ADGRL3: variants seen among roughly 807,000 people sequenced by gnomAD.
ADGRL3 encodes the protein calcium-independent alpha-latrotoxin receptor 3.
ADGRL3 carries 62 observed loss-of-function variants against 153.5 expected under a neutral mutation model. The observed-to-expected ratio is 0.40, with a 90% CI of 0.33 to 0.50. The LOEUF (loss-of-function observed/expected upper bound fraction) is 0.50. Among genes scored for constraint, ADGRL3 ranks in the 20% least tolerant of loss-of-function variants. The pLI, the probability that ADGRL3 is intolerant of heterozygous loss-of-function variation, is 0.47. For missense variants in ADGRL3, 1,641 were observed against 1,859.4 expected (o/e 0.88, Z 2.16); for synonymous variants, 710 against 672.5 (o/e 1.06, Z -0.86).
intron 5 of ADGRL3, among the ~76,000 whole-genome samples, chr4:61,588,645 C>A (rs2098956719): frequency 1.3e-5 from 2 of 151,856 alleles, no homozygotes; most frequent in African/African-American, 4.8e-5. Context: ...TAAAATTAGG[C>A]ATTTCATTTG....
chr4:61,669,380 A>T (rs1345457255), intron 5 of ADGRL3, among the ~76,000 whole-genome samples: 4 of 152,204 alleles, frequency 2.6e-5, no homozygotes, highest in Non-Finnish European at 4.4e-5. Context: ...TGTCTTGAGG[A>T]GGAAAATAGA....
At chr4:61,301,200 A>G (rs2150347846) in intron 1 of ADGRL3, among the ~76,000 whole-genome samples, 1 of 152,318 alleles carries the variant, frequency 6.6e-6, no homozygotes, top group East Asian at 1.9e-4. Flanking sequence ...AGATACTAGT[A>G]ATTAATCTGT....
At chr4:61,249,582 G>T (rs573915738) in intron 1 of ADGRL3, among the ~76,000 whole-genome samples, 2 of 152,188 alleles carry the variant, frequency 1.3e-5, no homozygotes, top group African/African-American at 2.4e-5. Flanking sequence ...CAAAAGGAAT[G>T]CATTTTCCAG....
In ADGRL3 at chr4:61,961,672, G is replaced by T. The variant is rs955556106; in HGVS notation, c.2805+13396G>T. Among the ~76,000 whole-genome samples, 18 of 151,942 alleles carry T rather than the reference G, an allele frequency of 1.2e-4. 1 individual carries two copies. Among genetic ancestry groups the T allele is most frequent in the Admixed American group, 3.9e-4 (6 of 15,242 alleles). On this transcript the variant is annotated intron_variant, in intron 17 of 26. Coordinates refer to ENST00000683033, the MANE Select transcript of ADGRL3 (RefSeq NM_001387552.1). ...CTGTGAAGTGCAGGGAGGAAAAAAAGAAGAAAGAGAATCTACCTAGAGATA... is the reference window on the plus strand; with the variant it reads ...CTGTGAAGTGCAGGGAGGAAAAAAATAAGAAAGAGAATCTACCTAGAGATA...
intron 5 of ADGRL3, among the ~76,000 whole-genome samples, chr4:61,635,131 C>T (rs1226979399): frequency 6.6e-6 from 1 of 152,078 alleles, no homozygotes; most frequent in East Asian, 1.9e-4. Context: ...AGACAGTTTA[C>T]CTCAGGAGAA....
chr4:61,278,988 A>G (rs1349062872), intron 1 of ADGRL3, among the ~76,000 whole-genome samples: 1 of 152,216 alleles, frequency 6.6e-6, no homozygotes, highest in Non-Finnish European at 1.5e-5. Flanking sequence ...TCCTTTAGTA[A>G]TAAAATCCTT....
chr4:61,218,103 ATTAT>A (rs543881561), intron 1 of ADGRL3, among the ~76,000 whole-genome samples: 199 of 152,338 alleles, frequency 1.3e-3, no homozygotes, highest in African/African-American at 4.4e-3. Context: ...TTTGGAACAA[ATTAT>A]TTAATACTAA....
chr4:62,010,754 T>C (rs535630134), intron 21 of ADGRL3, among the ~76,000 whole-genome samples: 1 of 152,220 alleles, frequency 6.6e-6, no homozygotes, highest in Non-Finnish European at 1.5e-5. Context: ...CTTTATGAGG[T>C]AGAACTCACT....
At chr4:61,691,091 G>A (rs561897973) in intron 6 of ADGRL3, among the ~76,000 whole-genome samples, 1 of 152,214 alleles carries the variant, frequency 6.6e-6, no homozygotes, top group Non-Finnish European at 1.5e-5. Context: ...AGAAACATAT[G>A]TTATTCTGTG....
chr4:61,794,909 C>T (rs1038335702), intron 8 of ADGRL3, among the ~76,000 whole-genome samples: 14 of 130,716 alleles, frequency 1.1e-4, no homozygotes, highest in African/African-American at 3.7e-4. Context: ...TACTTATTGT[C>T]ATTGCTTTCA....
chr4:61,722,503 A>G (rs2096260017), intron 6 of ADGRL3, among the ~76,000 whole-genome samples: 1 of 152,168 alleles, frequency 6.6e-6, no homozygotes, highest in East Asian at 1.9e-4. Flanking sequence ...TGCCTCGGTC[A>G]ACTTGGGGCT....
intron 2 of ADGRL3, among the ~76,000 whole-genome samples, chr4:61,474,239 TG>T (rs546701492): frequency 7.9e-5 from 12 of 152,162 alleles, no homozygotes; most frequent in Non-Finnish European, 1.8e-4. Flanking sequence ...GGCATTTACA[TG>T]CAAGTGTCCT....
intron 24 of ADGRL3, among the ~76,000 whole-genome samples, chr4:62,041,699 T>G (rs1728379520): frequency 6.6e-6 from 1 of 152,138 alleles, no homozygotes; most frequent in African/African-American, 2.4e-5. Context: ...AAACCTTTGT[T>G]TAAAAATGGT....
chr4:61,208,009 A>T (rs1293739502), intron 1 of ADGRL3, among the ~76,000 whole-genome samples: 3 of 152,272 alleles, frequency 2.0e-5, no homozygotes, highest in Non-Finnish European at 2.9e-5. Flanking sequence ...CATTTTCATT[A>T]TTCTATTTCC....
intron 9 of ADGRL3, among the ~76,000 whole-genome samples, chr4:61,852,942 A>T (rs1296766675): frequency 6.6e-6 from 1 of 152,006 alleles, no homozygotes; most frequent in Admixed American, 6.6e-5. Context: ...TAGAAAGGAA[A>T]CTTTAGTGCT....
At chr4:61,553,085 C>T (rs2098747745) in intron 4 of ADGRL3, among the ~76,000 whole-genome samples, 1 of 152,142 alleles carries the variant, frequency 6.6e-6, no homozygotes, top group Non-Finnish European at 1.5e-5. Flanking sequence ...TTGTAAGTTG[C>T]CTCCAGTCAC....
At chr4:61,229,588 G>A (rs1284737835) in intron 1 of ADGRL3, among the ~76,000 whole-genome samples, 1 of 151,498 alleles carries the variant, frequency 6.6e-6, no homozygotes, top group Admixed American at 6.6e-5. Context: ...GTAAATATGT[G>A]AAAAGAAGTC....
In ADGRL3 at chr4:61,733,008, G is replaced by A; in HGVS notation, c.853G>A (p.Ala285Thr). 1.9e-6 allele frequency: 3 copies of A among 1,613,776 alleles called. No individual in the cohort carries two copies. Among genetic ancestry groups the A allele is most frequent in the Non-Finnish European group, 2.5e-6 (3 of 1,179,842 alleles). ...CACAGGATTTGTAGTGTATGATGGAGCTTTGTTCTTCAACAAAGAGCGCAC... is the reference window on the plus strand; with the variant it reads ...CACAGGATTTGTAGTGTATGATGGAACTTTGTTCTTCAACAAAGAGCGCAC... The part of the protein sequence containing the change: ...DGTGFVVYDG[A>T]LFFNKERTRN... The change falls in exon 8 of 27, where the codon GCT becomes ACT. Residue 285 changes from alanine (A) to threonine (T), a missense_variant. By Grantham distance (58) the Ala-to-Thr change is moderately conservative. Coordinates refer to ENST00000683033, the MANE Select transcript of ADGRL3 (RefSeq NM_001387552.1).
intron 23 of ADGRL3, among the ~76,000 whole-genome samples, chr4:62,035,941 A>G (rs546908561): frequency 6.6e-5 from 10 of 152,278 alleles, no homozygotes; most frequent in Admixed American, 3.3e-4. Flanking sequence ...TTCCTGACAC[A>G]TAATAGTTAA....
Sources: allele counts gnomAD v4.1 joint callset (sites outside exome capture counted in the v4.1 genomes callset), GRCh38; gene constraint gnomAD v4.1.1; transcripts MANE v1.5; gene names NCBI Gene and HGNC (gene_info 2026-07-23, HGNC 2026-07-21).